The following PDE10A variants were observed in gnomAD, a reference collection of about 807,000 sequenced individuals.
PDE10A encodes cAMP and cAMP-inhibited cGMP 3',5'-cyclic phosphodiesterase 10A.
In PDE10A, 39 loss-of-function variants were observed where a neutral mutation model predicts 97.7. That is an observed-to-expected ratio of 0.40 (90% CI 0.31 to 0.52). PDE10A has a LOEUF of 0.52. PDE10A is among the 20% of genes least tolerant of loss of function. PDE10A has a pLI of 0.56. For synonymous variants in PDE10A, 371 were observed against 376.8 expected (o/e 0.98, Z 0.18); for missense variants, 731 against 1,047.8 (o/e 0.70, Z 4.17).
intron 1 of PDE10A, chr6:165,774,831 C>CTTTTTTTTTTTTTTTTTTTTTTTT (rs5881660): frequency 2.8e-5 from 3 of 107,878 alleles, no homozygotes; most frequent in African/African-American, 6.9e-5. Context: ...ACTTTTTTTT[C>CTTTTTTTTTTTTTTTTTTTTTTTT]TTTTTTTTTT....
intron 1 of PDE10A, among the ~76,000 whole-genome samples, chr6:165,623,696 G>A (rs1014938074): frequency 5.9e-5 from 9 of 152,190 alleles, no homozygotes; most frequent in Admixed American, 3.9e-4. Flanking sequence ...TCTCAGTTGC[G>A]GAACCCAATG....
intron 1 of PDE10A, among the ~76,000 whole-genome samples, chr6:165,764,301 A>T (rs1250517971): frequency 2.0e-5 from 3 of 152,222 alleles, no homozygotes; most frequent in African/African-American, 4.8e-5. Context: ...GCACTCCAGA[A>T]ATGAGAGCTA....
At chr6:165,360,590 G>C (rs750659013) in intron 18 of PDE10A, among the ~76,000 whole-genome samples, 1 of 152,178 alleles carries the variant, frequency 6.6e-6, no homozygotes, top group Non-Finnish European at 1.5e-5. Context: ...GGAGATACAG[G>C]CTCAACTGTA....
chr6:165,846,714 G>T (rs1428819226), intron 1 of PDE10A, among the ~76,000 whole-genome samples: 2 of 152,200 alleles, frequency 1.3e-5, no homozygotes, highest in Non-Finnish European at 2.9e-5. Context: ...CAATTGAAAT[G>T]AACAATTTGG....
intron 1 of PDE10A, among the ~76,000 whole-genome samples, chr6:165,753,790 A>G (rs1793058713): frequency 6.6e-6 from 1 of 152,234 alleles, no homozygotes. Context: ...GCTAATGGTT[A>G]CACACATTTT....
Position 165,339,366 on chromosome 6 carries a change from G to T in PDE10A, c.2896-8C>A, listed in dbSNP as rs754387675. 6.4e-5 allele frequency: 96 copies of T among 1,500,726 alleles called. No individual in the cohort carries two copies. The highest frequency in any genetic ancestry group is 8.6e-5 in the Non-Finnish European group (93 of 1,077,370). The allele number at this position is 1,500,726 out of a possible 1,614,324, so 93.0% of individuals were successfully genotyped here. On this transcript the variant is annotated splice_polypyrimidine_tract_variant and splice_region_variant and intron_variant, in intron 19 of 21. Coordinates refer to ENST00000539869, the MANE Select transcript of PDE10A (RefSeq NM_001385079.1). ...TTTCTTCATTTCATCACCCTAAGAT[G>T]AATGGGGAGAAAATCATGCTTTCTC... is the stretch of plus-strand genomic sequence containing the variant.
intron 1 of PDE10A, among the ~76,000 whole-genome samples, chr6:165,977,962 G>A (rs1350453395): frequency 1.3e-5 from 2 of 152,216 alleles, no homozygotes; most frequent in Non-Finnish European, 2.9e-5. Flanking sequence ...ACAGATTAAA[G>A]TTTGAAGAAA....
chr6:165,716,657 T>TC (rs1183299307), intron 1 of PDE10A, among the ~76,000 whole-genome samples: 2 of 151,928 alleles, frequency 1.3e-5, no homozygotes, highest in East Asian at 3.9e-4. Context: ...AACTTTATTT[T>TC]CCCCCCACAT....
chr6:165,736,460 G>A (rs1792577412), intron 1 of PDE10A, among the ~76,000 whole-genome samples: 1 of 152,168 alleles, frequency 6.6e-6, no homozygotes, highest in Non-Finnish European at 1.5e-5. Context: ...GAAGGAGAGT[G>A]AAGTGAGCAC....
intron 1 of PDE10A, among the ~76,000 whole-genome samples, chr6:165,675,760 G>A (rs1254050337): frequency 6.6e-6 from 1 of 152,146 alleles, no homozygotes; most frequent in Non-Finnish European, 1.5e-5. Context: ...CTGGGTGCTT[G>A]GGATATGTAA....
intron 18 of PDE10A, among the ~76,000 whole-genome samples, chr6:165,378,407 T>C (rs931283254): frequency 1.3e-5 from 2 of 152,110 alleles, no homozygotes; most frequent in African/African-American, 2.4e-5. Context: ...TGGTCAGACA[T>C]GCAAACAGGA....
chr6:165,388,501 C>T lies in PDE10A; in HGVS notation c.2455-48G>A, dbSNP rs182041495. 286 of 1,547,304 alleles carry T rather than the reference C, an allele frequency of 1.8e-4. No individual in the cohort carries two copies. The African/African-American group carries it at 3.6e-3, about 20-fold the overall frequency. ...GAGATGCTCAAAACACAGAAACACA[C>T]ATGAGCAGACTTACCGCTTACATTC... is the stretch of plus-strand genomic sequence containing the variant. On this transcript the variant is annotated intron_variant, in intron 16 of 21. Coordinates refer to ENST00000539869, the MANE Select transcript of PDE10A (RefSeq NM_001385079.1). The surrounding 1 kb of genome is among the most constrained non-coding windows in gnomAD (Gnocchi z 4.0).
intron 1 of PDE10A, among the ~76,000 whole-genome samples, chr6:165,845,207 G>T (rs1001658193): frequency 6.6e-6 from 1 of 152,188 alleles, no homozygotes; most frequent in East Asian, 1.9e-4. Flanking sequence ...CAATGTTACA[G>T]GGTCTGATCC....
intron 1 of PDE10A, among the ~76,000 whole-genome samples, chr6:165,945,250 C>G (rs1308846652): frequency 6.6e-6 from 1 of 152,180 alleles, no homozygotes; most frequent in African/African-American, 2.4e-5. Flanking sequence ...ATCAGTTCCT[C>G]CAGCCCCAGT....
chr6:165,541,436 T>C (rs1417059587), intron 2 of PDE10A, among the ~76,000 whole-genome samples: 2 of 152,218 alleles, frequency 1.3e-5, no homozygotes, highest in South Asian at 2.1e-4. Context: ...TTGATTAATA[T>C]AGAAAACAAA....
At chr6:165,542,612 CTTTTTTTTTTTTTTT>C (rs545149187) in intron 2 of PDE10A, among the ~76,000 whole-genome samples, 2 of 76,426 alleles carry the variant, frequency 2.6e-5, no homozygotes, top group Admixed American at 1.5e-4. Context: ...TGTCCTTGTT[CTTTTTTTTTTTTTTT>C]TTTTTTTTTT....
chr6:165,710,174 C>T (rs551437161), intron 1 of PDE10A, among the ~76,000 whole-genome samples: 5 of 152,270 alleles, frequency 3.3e-5, no homozygotes, highest in East Asian at 1.9e-4. Context: ...TCTAAGCCCA[C>T]GCAGCACTGA....
intron 18 of PDE10A, among the ~76,000 whole-genome samples, chr6:165,350,376 G>T (rs1782614216): frequency 6.6e-6 from 1 of 152,086 alleles, no homozygotes; most frequent in African/African-American, 2.4e-5. Flanking sequence ...CTTTGTTTTG[G>T]CCAATTTCTC....
intron 1 of PDE10A, among the ~76,000 whole-genome samples, chr6:165,745,112 C>G (rs1792815021): frequency 6.6e-6 from 1 of 152,122 alleles, no homozygotes; most frequent in Non-Finnish European, 1.5e-5. Flanking sequence ...CTAGCAAATT[C>G]AAGCATTTTT....
Sources: allele counts gnomAD v4.1 joint callset (sites outside exome capture counted in the v4.1 genomes callset), GRCh38; gene constraint gnomAD v4.1.1; non-coding constraint Gnocchi (gnomAD v3.1); transcripts MANE v1.5; gene names NCBI Gene and HGNC (gene_info 2026-07-23, HGNC 2026-07-21).